DCC: variants seen among roughly 807,000 people sequenced by gnomAD.
The protein encoded by DCC is netrin receptor DCC.
Under a neutral mutation model 172.5 loss-of-function variants are expected in DCC, and 58 were observed. The ratio of observed to expected loss-of-function variants is 0.34; its 90% CI spans 0.27 to 0.42. The LOEUF (loss-of-function observed/expected upper bound fraction) is 0.42, where lower values mean the gene tolerates loss of function less well. Among genes scored for constraint, DCC ranks in the 10% least tolerant of loss-of-function variants. DCC has a pLI of 1.00. For synonymous variants in DCC, 709 were observed against 644.5 expected (o/e 1.10, Z -1.52); for missense variants, 1,740 against 1,791.0 (o/e 0.97, Z 0.51).
At chr18:53,325,715 T>A (rs2057460580) in intron 14 of DCC, among the ~76,000 whole-genome samples, 1 of 152,314 alleles carries the variant, frequency 6.6e-6, no homozygotes, top group East Asian at 1.9e-4. Flanking sequence ...ATGGCCCTCT[T>A]GTACATGCAA....
chr18:52,417,514 A>G (rs909090789), intron 1 of DCC, among the ~76,000 whole-genome samples: 1 of 152,176 alleles, frequency 6.6e-6, no homozygotes, highest in Non-Finnish European at 1.5e-5. Flanking sequence ...TGCACCAATC[A>G]GACATAGATT....
At chr18:52,937,592 C>A (rs980593356) in intron 5 of DCC, among the ~76,000 whole-genome samples, 18 of 152,120 alleles carry the variant, frequency 1.2e-4, no homozygotes, top group African/African-American at 4.3e-4. Context: ...TCACTGCTAT[C>A]TCCGCCTCAG....
chr18:52,376,626 C>T (rs1985360766), intron 1 of DCC, among the ~76,000 whole-genome samples: 1 of 152,110 alleles, frequency 6.6e-6, no homozygotes, highest in South Asian at 2.1e-4. Flanking sequence ...GACAAACTCC[C>T]TATCTCATCT....
intron 5 of DCC, among the ~76,000 whole-genome samples, chr18:53,018,802 C>T (rs1002138428): frequency 6.6e-6 from 1 of 152,116 alleles, no homozygotes; most frequent in Non-Finnish European, 1.5e-5. Flanking sequence ...TAGAGATGCT[C>T]ATGACAAAAA....
At chr18:52,815,409 C>T (rs1307829135) in intron 2 of DCC, among the ~76,000 whole-genome samples, 7 of 44,922 alleles carry the variant, frequency 1.6e-4, no homozygotes, top group East Asian at 1.1e-3. Flanking sequence ...CCTTCTCACA[C>T]GTACACACAC....
chr18:53,420,738 C>CAAAT (rs1411501133), intron 21 of DCC, among the ~76,000 whole-genome samples: 2 of 152,108 alleles, frequency 1.3e-5, no homozygotes, highest in African/African-American at 4.8e-5. Context: ...GCCCTATATT[C>CAAAT]AAATATAATC....
At chr18:52,682,224 A>G (rs2035760329) in intron 1 of DCC, among the ~76,000 whole-genome samples, 1 of 152,076 alleles carries the variant, frequency 6.6e-6, no homozygotes, top group Non-Finnish European at 1.5e-5. Context: ...TCAATAGAAA[A>G]ACACATTACC....
At chr18:52,852,318 G>A (rs993775914) in intron 2 of DCC, among the ~76,000 whole-genome samples, 5 of 151,976 alleles carry the variant, frequency 3.3e-5, no homozygotes, top group Admixed American at 2.6e-4. Flanking sequence ...AAAGCAACAC[G>A]AGATTCCCAA....
intron 1 of DCC, among the ~76,000 whole-genome samples, chr18:52,710,559 G>A (rs1377230375): frequency 4.6e-5 from 7 of 152,224 alleles, no homozygotes; most frequent in Non-Finnish European, 1.0e-4. Flanking sequence ...CAAAACATGA[G>A]GGGAAGACAC....
At chr18:52,353,436 C>T (rs778366956) in intron 1 of DCC, among the ~76,000 whole-genome samples, 2 of 152,190 alleles carry the variant, frequency 1.3e-5, no homozygotes, top group Admixed American at 1.3e-4. Context: ...TCCTCCCTCC[C>T]TCCTCTGTGT....
chr18:53,271,996 C>T (rs1302686993), intron 12 of DCC, among the ~76,000 whole-genome samples: 1 of 152,166 alleles, frequency 6.6e-6, no homozygotes, highest in Admixed American at 6.5e-5. Flanking sequence ...ATTAACTTCA[C>T]ACCAATTTCA....
chr18:52,508,795 T>C (rs2031326577), intron 1 of DCC, among the ~76,000 whole-genome samples: 1 of 152,186 alleles, frequency 6.6e-6, no homozygotes, highest in Non-Finnish European at 1.5e-5. Context: ...ATAAAAGAGA[T>C]GTAACAAGGC....
At chr18:52,553,095 AG>A (rs2032820338) in intron 1 of DCC, among the ~76,000 whole-genome samples, 1 of 152,094 alleles carries the variant, frequency 6.6e-6, no homozygotes. Context: ...CTGATAGTAA[AG>A]GGTTAAATAT....
Position 52,519,839 on chromosome 18 carries a change from T to G in DCC, c.91+178961T>G, listed in dbSNP as rs960728916. On this transcript the variant is annotated intron_variant, in intron 1 of 28. Transcript: ENST00000442544. ...GAAAATTGCTTGGAGATGAAGAACT[T>G]TCAATGAACCATGATGGACAGAAGT... Among the ~76,000 whole-genome samples the G allele has an allele frequency of 2.7e-4, 41 of 152,220 alleles. 1 individual carries two copies. Among genetic ancestry groups the G allele is most frequent in the African/African-American group, 9.1e-4 (38 of 41,534 alleles).
chr18:53,053,170 C>T (rs1254635692), intron 5 of DCC, among the ~76,000 whole-genome samples: 1 of 151,848 alleles, frequency 6.6e-6, no homozygotes, highest in Non-Finnish European at 1.5e-5. Context: ...AACAAACAAA[C>T]AAAACAAAAC....
chr18:53,423,200 A>T (rs1910731918), intron 21 of DCC, among the ~76,000 whole-genome samples: 1 of 152,198 alleles, frequency 6.6e-6, no homozygotes, highest in Non-Finnish European at 1.5e-5. Flanking sequence ...TATACACTTC[A>T]AATAAAATTC....
chr18:53,234,589 A>G (rs987856653), intron 12 of DCC, among the ~76,000 whole-genome samples: 21 of 152,272 alleles, frequency 1.4e-4, no homozygotes, highest in Middle Eastern at 3.4e-3. Flanking sequence ...ACTTAGGGTC[A>G]CGTGTTTAAA....
intron 6 of DCC, 73 bp from the exon 7 acceptor site, chr18:53,065,973 T>C (rs1254618035): frequency 1.5e-5 from 23 of 1,578,478 alleles, no homozygotes; most frequent in Non-Finnish European, 1.8e-5. Flanking sequence ...AACTTTGGTC[T>C]CATCTAAGTT....
chr18:53,432,503 TC>T (rs1303239226), intron 21 of DCC, among the ~76,000 whole-genome samples: 2 of 152,180 alleles, frequency 1.3e-5, no homozygotes, highest in Admixed American at 1.3e-4. Flanking sequence ...TGACTTTCAC[TC>T]CAGCTGTTTT....
Sources: allele counts gnomAD v4.1 joint callset (sites outside exome capture counted in the v4.1 genomes callset), GRCh38; gene constraint gnomAD v4.1.1; transcripts MANE v1.5; gene names NCBI Gene and HGNC (gene_info 2026-07-23, HGNC 2026-07-21).